HERC3: variants seen among roughly 807,000 people sequenced by gnomAD.
HERC3 encodes HECT and RLD domain containing E3 ubiquitin protein ligase 3, also known as probable E3 ubiquitin-protein ligase HERC3.
In HERC3, 58 loss-of-function variants were observed where a neutral mutation model predicts 129.9. The observed-to-expected ratio is 0.45, with a 90% CI of 0.36 to 0.56. The LOEUF (loss-of-function observed/expected upper bound fraction) is 0.56, where lower values mean the gene tolerates loss of function less well. Ranked by LOEUF, HERC3 falls within the 20% of genes least tolerant of loss-of-function variation. The probability of loss-of-function intolerance (pLI) is 0.00; values close to 1 mark genes in which losing one functional copy is unlikely to be tolerated. For synonymous variants in HERC3, 430 were observed against 451.0 expected (o/e 0.95, Z 0.59); for missense variants, 835 against 1,244.2 (o/e 0.67, Z 4.95).
chr4:88,687,243 T>G lies in HERC3; in HGVS notation c.2601T>G (p.Ile867Met). Residue 867 changes from isoleucine to methionine, a missense_variant, in exon 23 of 26, where the codon ATT becomes ATG. Transcript: ENST00000402738. ...FTICRESYGV[I>M]EQKKLIPGGD... ...TCTGCCGAGAAAGCTATGGAGTGAT[T>G]GAACAGAAGAAGCTGATACCTGGGG... 6.2e-7 allele frequency: 1 copy of G among 1,612,876 alleles called. No homozygotes were observed. The highest frequency in any genetic ancestry group is 8.5e-7 in the Non-Finnish European group (1 of 1,179,076).
the HERC3 span, among the ~76,000 whole-genome samples, chr4:88,525,159 C>G: frequency 2.0e-5 from 3 of 152,156 alleles, no homozygotes; most frequent in Non-Finnish European, 4.4e-5. Flanking sequence ...TAATGAAAGT[C>G]TCTGGTTGCC....
At chr4:88,629,348 G>A (rs1018067213) in intron 3 of HERC3, among the ~76,000 whole-genome samples, 5 of 152,068 alleles carry the variant, frequency 3.3e-5, no homozygotes, top group Non-Finnish European at 5.9e-5. Context: ...TAACAGCAAT[G>A]TAATTTTTAA....
chr4:88,662,310 G>C, intron 10 of HERC3, 121 bp from the exon 11 acceptor site: 1 of 947,440 alleles, frequency 1.1e-6, no homozygotes, highest in Non-Finnish European at 1.6e-6. Flanking sequence ...GATCTGGGCG[G>C]CACACTGCAG....
chr4:88,685,956 A>C (rs1472796389), intron 21 of HERC3, among the ~76,000 whole-genome samples: 1 of 152,150 alleles, frequency 6.6e-6, no homozygotes, highest in African/African-American at 2.4e-5. Flanking sequence ...CAACTATGAC[A>C]GTTTTCTTGG....
rs200418521 is a variant in HERC3, at chr4:88,677,999, C to G, written c.2061C>G (p.Phe687Leu). ...ATGGAGCCAACCTGCAGAATGTCTT[C>G]ATGCTTCTCACCCTGGAGCCTCTGC... ...AVNGANLQNV[F>L]MLLTLEPLLA... The change falls in exon 19 of 26, where the codon TTC becomes TTG. Residue 687 changes from phenylalanine to leucine, a missense_variant. Phe to Leu is a conservative substitution (Grantham distance 22). Coordinates refer to ENST00000402738, the MANE Select transcript of HERC3 (RefSeq NM_014606.3). The G allele has an allele frequency of 6.2e-7, 1 of 1,613,642 alleles. No individual in the cohort carries two copies. The highest frequency in any genetic ancestry group is 2.2e-5 in the East Asian group (1 of 44,880).
At chr4:88,635,224 C>T (rs1219296925) in intron 3 of HERC3, among the ~76,000 whole-genome samples, 1 of 151,748 alleles carries the variant, frequency 6.6e-6, no homozygotes, top group Admixed American at 6.6e-5. Context: ...GGAGCATGTT[C>T]TAACCCAAAA....
chr4:88,540,814 A>T, the HERC3 span, among the ~76,000 whole-genome samples: 1 of 152,198 alleles, frequency 6.6e-6, no homozygotes, highest in South Asian at 2.1e-4. Context: ...AAAATTTTCA[A>T]TCCAGAATTT....
chr4:88,577,507 G>A, the HERC3 span, among the ~76,000 whole-genome samples: 383 of 148,872 alleles, frequency 2.6e-3, 3 homozygotes, highest in African/African-American at 9.2e-3. Context: ...TCAACCAAAT[G>A]AATATTTATA....
intron 3 of HERC3, among the ~76,000 whole-genome samples, chr4:88,624,155 T>G (rs28409539): frequency 0.049 from 7,482 of 152,308 alleles, 243 homozygotes; most frequent in Middle Eastern, 0.12. Flanking sequence ...ATTTTATGGA[T>G]AGAGTCACCA....
chr4:88,579,252 T>C, the HERC3 span, among the ~76,000 whole-genome samples: 6 of 149,692 alleles, frequency 4.0e-5, no homozygotes, highest in African/African-American at 1.5e-4. Flanking sequence ...TATATATATA[T>C]GAAAGTTAGC....
At position 88,704,568 on chromosome 4, in the gene HERC3, ACATTT is replaced by A; in HGVS notation, c.2906_2910del (p.Phe969Ter). 6.2e-7 allele frequency: 1 copy of A among 1,610,562 alleles called. No homozygotes were observed. The highest frequency in any genetic ancestry group is 1.1e-5 in the South Asian group (1 of 91,000). ...TCCCACTGTAAAACTATTTTGGGAAACATTTCATGAGTTTCCATTGGAAAAGAAGA... is the reference window on the plus strand; with the variant it reads ...TCCCACTGTAAAACTATTTTGGGAAACATGAGTTTCCATTGGAAAAGAAGA... On this transcript the variant is annotated frameshift_variant, in exon 25 of 26. Transcript: ENST00000402738. LOFTEE classifies it high-confidence loss of function.
At chr4:88,704,863 C>CTTTCTTTTTTTTTTTTTTT (rs1336673525) in intron 25 of HERC3, among the ~76,000 whole-genome samples, 3 of 130,668 alleles carry the variant, frequency 2.3e-5, no homozygotes, top group African/African-American at 6.0e-5. Context: ...TTCTTTCTTT[C>CTTTCTTTTTTTTTTTTTTT]TTTTTTTTTT....
chr4:88,524,079 G>A, the HERC3 span: 5 of 288,132 alleles, frequency 1.7e-5, no homozygotes, highest in African/African-American at 1.1e-4. Context: ...GACCTACGTG[G>A]TTACCTCCAA....
chr4:88,655,218 T>C lies in HERC3; in HGVS notation c.822T>C (p.Leu274=). 6.2e-7 allele frequency: 1 copy of C among 1,614,010 alleles called. No individual in the cohort carries two copies. The highest frequency in any genetic ancestry group is 1.3e-5 in the African/African-American group (1 of 75,036). ...FTFGAGSCGQ[L]GHDSMNDEVN... ...TTGGCGCTGGTTCCTGTGGGCAACT[T>C]GGACACGACTCCATGAATGATGAGG... Residue 274 remains leucine (L), a synonymous_variant, in exon 8 of 26, where the codon CTT becomes CTC. Coordinates refer to ENST00000402738, the MANE Select transcript of HERC3 (RefSeq NM_014606.3).
At chr4:88,529,906 A>G in the HERC3 span, among the ~76,000 whole-genome samples, 123 of 152,134 alleles carry the variant, frequency 8.1e-4, no homozygotes, top group Non-Finnish European at 1.1e-3. Flanking sequence ...ACTTTATTTC[A>G]AAACTATTGA....
At chr4:88,578,897 C>A in the HERC3 span, among the ~76,000 whole-genome samples, 4 of 152,078 alleles carry the variant, frequency 2.6e-5, no homozygotes, top group Non-Finnish European at 5.9e-5. Context: ...AGAGGCATCA[C>A]CCCTACAAAA....
At chr4:88,666,695 G>C (rs1447305733) in intron 12 of HERC3, among the ~76,000 whole-genome samples, 1 of 152,124 alleles carries the variant, frequency 6.6e-6, no homozygotes, top group Admixed American at 6.6e-5. Flanking sequence ...TTCAAGAGCA[G>C]GATATATGAG....
At chr4:88,682,992 A>G (rs891077438) in intron 21 of HERC3, among the ~76,000 whole-genome samples, 1 of 152,152 alleles carries the variant, frequency 6.6e-6, no homozygotes, top group African/African-American at 2.4e-5. Flanking sequence ...CTGTTGTTTC[A>G]TGACTTTTTA....
upstream of HERC3, among the ~76,000 whole-genome samples, chr4:88,590,847 G>T (rs1721661819): frequency 6.7e-6 from 1 of 149,604 alleles, no homozygotes; most frequent in African/African-American, 2.5e-5. Flanking sequence ...AGTGAATTGT[G>T]TTACTCTTGT....
Sources: gnomAD v4.1 joint callset for allele counts (sites outside exome capture counted in the v4.1 genomes callset) on GRCh38, gnomAD v4.1.1 for gene constraint, MANE v1.5 for transcripts, NCBI Gene and HGNC (gene_info 2026-07-23, HGNC 2026-07-21) for gene names.